HECW1: variants seen among roughly 807,000 people sequenced by gnomAD.
HECW1 encodes the protein HECT, C2 and WW domain containing E3 ubiquitin protein ligase 1, also known as E3 ubiquitin-protein ligase HECW1.
A neutral mutation model predicts 182.3 loss-of-function variants in HECW1; 61 were observed. The observed-to-expected ratio is 0.33, with a 90% CI of 0.27 to 0.41. The LOEUF (loss-of-function observed/expected upper bound fraction) is 0.41, where lower values mean the gene tolerates loss of function less well. Among genes scored for constraint, HECW1 ranks in the 10% least tolerant of loss-of-function variants. The pLI, the probability that HECW1 is intolerant of heterozygous loss-of-function variation, is 1.00. For missense variants in HECW1, 1,739 were observed against 2,108.9 expected, an observed-to-expected ratio of 0.82 and a Z score of 3.44; for synonymous variants, 859 against 832.6, an observed-to-expected ratio of 1.03 and a Z score of -0.55.
chr7:43,152,399 C>T (rs922287192), intron 2 of HECW1, among the ~76,000 whole-genome samples: 7 of 152,134 alleles, frequency 4.6e-5, no homozygotes, highest in African/African-American at 1.7e-4. Flanking sequence ...TAATAAGAGG[C>T]ATAAATTAAT....
At chr7:43,350,284 C>T (rs917951506) in intron 5 of HECW1, among the ~76,000 whole-genome samples, 2 of 152,208 alleles carry the variant, frequency 1.3e-5, no homozygotes, top group African/African-American at 2.4e-5. Flanking sequence ...TTCTATCTCA[C>T]AGACCTTAAG....
At position 43,527,723 on chromosome 7, in the gene HECW1, T is replaced by A. The variant is rs565644430; in HGVS notation, c.4020-13440T>A. ...TCATGGAAACCACCAAGTTTAATAA[T>A]GCAGTATTATGTTTCACTCTGAACC... is the stretch of plus-strand genomic sequence containing the variant. On this transcript the variant is annotated intron_variant, in intron 24 of 29. Transcript: ENST00000395891. Among the ~76,000 whole-genome samples the A allele has an allele frequency of 1.1e-4, 16 of 152,324 alleles. No homozygotes were observed. The East Asian group carries it at 2.9e-3, about 28-fold the overall frequency.
intron 3 of HECW1, among the ~76,000 whole-genome samples, chr7:43,253,738 T>C (rs57172878): frequency 0.12 from 18,431 of 152,102 alleles, 2,340 homozygotes; most frequent in African/African-American, 0.32. Flanking sequence ...AAACCCCATC[T>C]CTACTAAAAA....
chr7:43,554,909 G>A (rs2081968402), intron 29 of HECW1, 119 bp downstream of exon 29: 2 of 882,302 alleles, frequency 2.3e-6, no homozygotes, highest in South Asian at 1.7e-5. Context: ...CCAAAGTATT[G>A]TCATTGGAGT....
chr7:43,538,374 G>A (rs2152952057), intron 24 of HECW1, among the ~76,000 whole-genome samples: 1 of 152,298 alleles, frequency 6.6e-6, no homozygotes. Context: ...GCTGGTTGAA[G>A]ATTACCTGAA....
At chr7:43,154,815 A>G (rs1002084355) in intron 2 of HECW1, among the ~76,000 whole-genome samples, 1 of 152,160 alleles carries the variant, frequency 6.6e-6, no homozygotes, top group African/African-American at 2.4e-5. Flanking sequence ...TTTCTTCCAT[A>G]GTGAAATAGG....
chr7:43,344,535 T>A (rs531164376), intron 5 of HECW1, among the ~76,000 whole-genome samples: 144 of 152,116 alleles, frequency 9.5e-4, no homozygotes, highest in Middle Eastern at 3.4e-3. Context: ...TTCTCTGATG[T>A]CTGATTGCTT....
intron 6 of HECW1, among the ~76,000 whole-genome samples, chr7:43,390,598 G>T (rs1408384382): frequency 6.7e-6 from 1 of 149,648 alleles, no homozygotes; most frequent in Non-Finnish European, 1.5e-5. Context: ...CAAAATATGA[G>T]CAAAAGAGAT....
intron 3 of HECW1, among the ~76,000 whole-genome samples, chr7:43,270,353 G>A (rs1802260885): frequency 6.6e-6 from 1 of 152,210 alleles, no homozygotes; most frequent in East Asian, 1.9e-4. Flanking sequence ...TCTCACTAGT[G>A]TGGCTGGCAA....
chr7:43,263,459 C>G (rs111667762), intron 3 of HECW1, among the ~76,000 whole-genome samples: 31,863 of 152,114 alleles, frequency 0.21, 3,689 homozygotes, highest in Middle Eastern at 0.38. Context: ...CTCCCAGTTT[C>G]AAGCAATTCT....
At chr7:43,525,235 A>G (rs71540535) in intron 24 of HECW1, among the ~76,000 whole-genome samples, 1 of 152,196 alleles carries the variant, frequency 6.6e-6, no homozygotes, top group African/African-American at 2.4e-5. Context: ...GCTTGACTCT[A>G]AGTATGAAAA....
At chr7:43,291,469 C>T (rs768032916) in intron 3 of HECW1, among the ~76,000 whole-genome samples, 75 of 152,278 alleles carry the variant, frequency 4.9e-4, no homozygotes, top group Non-Finnish European at 1.0e-3. Context: ...GTGAGCATGT[C>T]CTGCACAAAT....
intron 7 of HECW1, among the ~76,000 whole-genome samples, chr7:43,404,282 A>T (rs1314859145): frequency 6.6e-6 from 1 of 152,244 alleles, no homozygotes; most frequent in Non-Finnish European, 1.5e-5. Context: ...GCTGAAGGAC[A>T]GGAAAGAAGA....
chr7:43,403,503 A>G (rs2075498280), intron 7 of HECW1, among the ~76,000 whole-genome samples: 1 of 152,182 alleles, frequency 6.6e-6, no homozygotes, highest in Admixed American at 6.5e-5. Context: ...AGAGCGGAAG[A>G]GGGACACCTT....
intron 3 of HECW1, among the ~76,000 whole-genome samples, chr7:43,286,303 A>G (rs1235993642): frequency 6.6e-6 from 1 of 152,188 alleles, no homozygotes; most frequent in Admixed American, 6.5e-5. Context: ...CATGCAGCCC[A>G]GTGATAATGC....
At chr7:43,260,581 G>A (rs1801069638) in intron 3 of HECW1, among the ~76,000 whole-genome samples, 1 of 152,226 alleles carries the variant, frequency 6.6e-6, no homozygotes, top group African/African-American at 2.4e-5. Context: ...AAAGTAGAGA[G>A]GCACCAGAGT....
intron 26 of HECW1, 112 bp downstream of exon 26, chr7:43,542,110 T>A (rs1451341911): frequency 1.1e-6 from 1 of 910,324 alleles, no homozygotes; most frequent in Non-Finnish European, 1.5e-6. Context: ...AGTGCTTCAG[T>A]ATATCCACAT....
chr7:43,168,869 C>G (rs961759878), intron 2 of HECW1, among the ~76,000 whole-genome samples: 4 of 152,090 alleles, frequency 2.6e-5, no homozygotes, highest in Non-Finnish European at 4.4e-5. Context: ...CTACTCCAAC[C>G]AGATTGGTGA....
intron 3 of HECW1, among the ~76,000 whole-genome samples, chr7:43,294,607 T>C (rs1805808707): frequency 6.6e-6 from 1 of 152,228 alleles, no homozygotes; most frequent in Non-Finnish European, 1.5e-5. Context: ...TCCAGTTTTG[T>C]GGCTGTAGCA....
Sources: allele counts gnomAD v4.1 joint callset (sites outside exome capture counted in the v4.1 genomes callset), GRCh38; gene constraint gnomAD v4.1.1; transcripts MANE v1.5; gene names NCBI Gene and HGNC (gene_info 2026-07-23, HGNC 2026-07-21).